The following GALNTL6 variants were observed in gnomAD, a reference collection of about 807,000 sequenced individuals.
GALNTL6 encodes the protein polypeptide N-acetylgalactosaminyltransferase-like 6.
Under a neutral mutation model 73.7 loss-of-function variants are expected in GALNTL6, and 46 were observed. The observed-to-expected ratio is 0.62, with a 90% confidence interval of 0.49 to 0.80. GALNTL6 has a LOEUF of 0.80. Ranked by LOEUF, GALNTL6 falls within the 30% of genes least tolerant of loss-of-function variation. The pLI is 0.00. For synonymous variants in GALNTL6, 259 were observed against 263.7 expected, an observed-to-expected ratio of 0.98 and a Z score of 0.17; for missense variants, 604 against 755.0, an observed-to-expected ratio of 0.80 and a Z score of 2.34.
chr4:172,255,883 G>A (rs55823187), intron 3 of GALNTL6, among the ~76,000 whole-genome samples: 1 of 151,388 alleles, frequency 6.6e-6, no homozygotes, highest in African/African-American at 2.4e-5. Context: ...CAATTAAAAA[G>A]AAGGAAGAGG....
intron 5 of GALNTL6, among the ~76,000 whole-genome samples, chr4:172,439,917 G>T (rs563713112): frequency 3.4e-4 from 52 of 152,106 alleles, no homozygotes; most frequent in Non-Finnish European, 6.8e-4. Flanking sequence ...ACCTACATTG[G>T]CAAATCATAA....
Position 172,311,598 on chromosome 4 carries a change from T to C in GALNTL6, c.248-16T>C, listed in dbSNP as rs770048307. On this transcript the variant is annotated splice_polypyrimidine_tract_variant and intron_variant, in intron 3 of 12. Transcript: ENST00000506823. ...TTTTATAGAGATGATAATCTCATTT[T>C]GTTTTCTCCTGCTAGGGAAAGGTGA... The C allele has an allele frequency of 4.4e-6, 7 of 1,587,986 alleles. No homozygotes were observed. Among genetic ancestry groups the C allele is most frequent in the Non-Finnish European group, 6.0e-6 (7 of 1,167,058 alleles).
intron 5 of GALNTL6, among the ~76,000 whole-genome samples, chr4:172,753,638 C>T (rs963097207): frequency 7.2e-5 from 11 of 152,154 alleles, no homozygotes; most frequent in Admixed American, 1.3e-4. Context: ...TGTGCTGTCA[C>T]TATATGGACT....
chr4:172,734,458 T>C (rs1428244249), intron 5 of GALNTL6, among the ~76,000 whole-genome samples: 1 of 152,022 alleles, frequency 6.6e-6, no homozygotes, highest in Non-Finnish European at 1.5e-5. Flanking sequence ...ATGGGAGAAA[T>C]TGGCCAAAAC....
intron 2 of GALNTL6, among the ~76,000 whole-genome samples, chr4:172,112,457 G>T (rs1024308796): frequency 1.3e-5 from 2 of 151,968 alleles, no homozygotes; most frequent in Non-Finnish European, 2.9e-5. Context: ...GTTTAGTTTT[G>T]TAAGAAATTG....
intron 5 of GALNTL6, among the ~76,000 whole-genome samples, chr4:172,699,062 G>C (rs1408608481): frequency 6.6e-6 from 1 of 152,110 alleles, no homozygotes; most frequent in Non-Finnish European, 1.5e-5. Context: ...CTGCTTTCTG[G>C]TTCATAGAAA....
chr4:172,220,200 C>T (rs1372629760), intron 2 of GALNTL6, among the ~76,000 whole-genome samples: 1 of 151,706 alleles, frequency 6.6e-6, no homozygotes, highest in Non-Finnish European at 1.5e-5. Context: ...AATGTAAGCT[C>T]TTCAAGGGTA....
intron 3 of GALNTL6, among the ~76,000 whole-genome samples, chr4:172,237,856 A>T (rs774449252): frequency 1.3e-5 from 2 of 152,032 alleles, no homozygotes; most frequent in Non-Finnish European, 2.9e-5. Flanking sequence ...TCCTTTCCCC[A>T]TGCTTGTTTT....
chr4:171,889,219 C>T (rs1054646268), intron 2 of GALNTL6, among the ~76,000 whole-genome samples: 1 of 151,878 alleles, frequency 6.6e-6, no homozygotes, highest in African/African-American at 2.4e-5. Flanking sequence ...AACAGAATGA[C>T]AATTTCTCTG....
chr4:172,046,324 C>T (rs868210022), intron 2 of GALNTL6, among the ~76,000 whole-genome samples: 45 of 152,024 alleles, frequency 3.0e-4, no homozygotes, highest in African/African-American at 1.1e-3. Flanking sequence ...TATTATTATA[C>T]TTTAAGTTCT....
At chr4:172,494,610 A>T (rs1361973385) in intron 5 of GALNTL6, among the ~76,000 whole-genome samples, 5 of 152,222 alleles carry the variant, frequency 3.3e-5, no homozygotes, top group Non-Finnish European at 7.3e-5. Flanking sequence ...CAAAACCACA[A>T]AAGTTGAGAA....
At chr4:172,439,458 G>A (rs939177049) in intron 5 of GALNTL6, among the ~76,000 whole-genome samples, 9 of 129,448 alleles carry the variant, frequency 7.0e-5, no homozygotes, top group African/African-American at 2.6e-4. Context: ...TGACTCGCTG[G>A]TTGTTATGTC....
intron 2 of GALNTL6, among the ~76,000 whole-genome samples, chr4:172,220,724 A>G (rs1274801325): frequency 6.6e-6 from 1 of 151,844 alleles, no homozygotes; most frequent in Non-Finnish European, 1.5e-5. Context: ...AAGTTTGGAT[A>G]TTTCAATTGT....
chr4:172,765,871 GAA>G (rs11342089), intron 5 of GALNTL6, among the ~76,000 whole-genome samples: 5 of 148,242 alleles, frequency 3.4e-5, no homozygotes, highest in African/African-American at 7.4e-5. Context: ...TTGCTGAAAA[GAA>G]AAAAAAAAGC....
chr4:172,326,753 C>T (rs1321135931), intron 4 of GALNTL6, among the ~76,000 whole-genome samples: 2 of 151,490 alleles, frequency 1.3e-5, no homozygotes, highest in Admixed American at 1.3e-4. Context: ...TACTTTTTTC[C>T]TCTGGCTTTG....
intron 5 of GALNTL6, among the ~76,000 whole-genome samples, chr4:172,350,998 TG>T (rs1183488261): frequency 8.5e-5 from 13 of 152,168 alleles, no homozygotes; most frequent in Admixed American, 8.5e-4. Context: ...TGACTCTTCA[TG>T]GAGAGGTTAT....
chr4:172,655,993 C>T (rs1227773644), intron 5 of GALNTL6, among the ~76,000 whole-genome samples: 1 of 152,110 alleles, frequency 6.6e-6, no homozygotes, highest in African/African-American at 2.4e-5. Flanking sequence ...TGATAAGCCA[C>T]ATATTATTAA....
chr4:172,890,468 C>A (rs1745973529), intron 8 of GALNTL6, among the ~76,000 whole-genome samples: 1 of 152,108 alleles, frequency 6.6e-6, no homozygotes, highest in Non-Finnish European at 1.5e-5. Flanking sequence ...CATTCAGGAG[C>A]AAGTTGTTTA....
intron 3 of GALNTL6, among the ~76,000 whole-genome samples, chr4:172,293,600 C>G (rs1242855286): frequency 6.6e-6 from 1 of 152,060 alleles, no homozygotes; most frequent in African/African-American, 2.4e-5. Context: ...GACCTCTGTT[C>G]TGCGTAGTCA....
Sources: allele counts gnomAD v4.1 joint callset (sites outside exome capture counted in the v4.1 genomes callset), GRCh38; gene constraint gnomAD v4.1.1; transcripts MANE v1.5; gene names NCBI Gene and HGNC (gene_info 2026-07-23, HGNC 2026-07-21).